The following TENM3 variants were observed in gnomAD, a reference collection of about 807,000 sequenced individuals.
The protein encoded by TENM3 is teneurin transmembrane protein 3.
TENM3 carries 63 observed loss-of-function variants against 255.1 expected under a neutral mutation model. The ratio of observed to expected loss-of-function variants is 0.25; its 90% CI spans 0.20 to 0.30. The LOEUF (loss-of-function observed/expected upper bound fraction) is 0.30. TENM3 is among the 10% of genes least tolerant of loss of function. The pLI is 1.00. For missense variants in TENM3, 2,929 were observed against 3,461.1 expected, an observed-to-expected ratio of 0.85 and a Z score of 3.86; for synonymous variants, 1,306 against 1,322.3, an observed-to-expected ratio of 0.99 and a Z score of 0.27.
At chr4:182,054,968 C>A in the TENM3 span, among the ~76,000 whole-genome samples, 3 of 152,080 alleles carry the variant, frequency 2.0e-5, no homozygotes, top group Non-Finnish European at 4.4e-5. Context: ...AGTTTATCTG[C>A]GAGCCTATTC....
chr4:182,579,624 T>G (rs538303258), intron 3 of TENM3, among the ~76,000 whole-genome samples: 2 of 152,184 alleles, frequency 1.3e-5, no homozygotes, highest in Non-Finnish European at 2.9e-5. Flanking sequence ...TGTTTTCCTT[T>G]AAGATTTTTT....
At chr4:181,773,673 A>G in the TENM3 span, among the ~76,000 whole-genome samples, 1 of 152,152 alleles carries the variant, frequency 6.6e-6, no homozygotes, top group Non-Finnish European at 1.5e-5. Context: ...ATGCTTCTAC[A>G]CATCAGTAGG....
chr4:181,955,250 T>C, the TENM3 span, among the ~76,000 whole-genome samples: 17 of 152,310 alleles, frequency 1.1e-4, no homozygotes, highest in African/African-American at 4.1e-4. Flanking sequence ...CCACTGGATA[T>C]CCCATTATGG....
intron 3 of TENM3, among the ~76,000 whole-genome samples, chr4:182,580,129 G>C (rs1429718177): frequency 6.6e-6 from 1 of 151,728 alleles, no homozygotes; most frequent in Non-Finnish European, 1.5e-5. Flanking sequence ...AAGAGATTGA[G>C]ATTCACTTTG....
the TENM3 span, among the ~76,000 whole-genome samples, chr4:181,448,213 C>T: frequency 8.3e-6 from 1 of 119,770 alleles, no homozygotes; most frequent in East Asian, 2.6e-4. Flanking sequence ...GTCGCCCAGG[C>T]TGGAGTGCAG....
the TENM3 span, among the ~76,000 whole-genome samples, chr4:182,113,533 A>C: frequency 6.6e-6 from 1 of 152,208 alleles, no homozygotes; most frequent in Non-Finnish European, 1.5e-5. Flanking sequence ...ATACCAATGC[A>C]TATATGAAAT....
At chr4:182,255,901 C>T (rs368505810) in intron 1 of TENM3, among the ~76,000 whole-genome samples, 1 of 152,204 alleles carries the variant, frequency 6.6e-6, no homozygotes, top group Non-Finnish European at 1.5e-5. Flanking sequence ...TACACCACGT[C>T]TTAACTCTCA....
intron 1 of TENM3, among the ~76,000 whole-genome samples, chr4:182,278,115 C>T (rs925137490): frequency 2.0e-5 from 3 of 152,140 alleles, no homozygotes; most frequent in Non-Finnish European, 2.9e-5. Context: ...GCCTGTAATC[C>T]CAGCACTTTG....
chr4:182,389,830 C>G (rs1312406330), intron 3 of TENM3, among the ~76,000 whole-genome samples: 1 of 151,964 alleles, frequency 6.6e-6, no homozygotes, highest in Non-Finnish European at 1.5e-5. Context: ...GGACTACAGG[C>G]GCCCGCCACC....
intron 12 of TENM3, among the ~76,000 whole-genome samples, chr4:182,690,833 A>G (rs1028092136): frequency 1.3e-5 from 2 of 152,198 alleles, no homozygotes; most frequent in African/African-American, 4.8e-5. Context: ...GGGTCTTTGT[A>G]TTATAATTTA....
chr4:181,880,303 A>G, the TENM3 span, among the ~76,000 whole-genome samples: 1 of 152,178 alleles, frequency 6.6e-6, no homozygotes, highest in East Asian at 1.9e-4. Flanking sequence ...TGTTAGATTA[A>G]TTGATAGGAA....
intron 3 of TENM3, among the ~76,000 whole-genome samples, chr4:182,512,332 CAG>C (rs1178215243): frequency 2.0e-5 from 3 of 152,248 alleles, no homozygotes; most frequent in Admixed American, 1.3e-4. Flanking sequence ...TAGAAGATGA[CAG>C]AGTCACCAGA....
At chr4:181,828,975 C>A in the TENM3 span, among the ~76,000 whole-genome samples, 1 of 152,174 alleles carries the variant, frequency 6.6e-6, no homozygotes, top group East Asian at 1.9e-4. Context: ...CACTTGCTAC[C>A]CTGTGTGCAT....
the TENM3 span, among the ~76,000 whole-genome samples, chr4:181,887,183 C>T: frequency 1.3e-5 from 2 of 151,672 alleles, no homozygotes; most frequent in Non-Finnish European, 2.9e-5. Flanking sequence ...TTCTGAGCCC[C>T]AGATTCTAAG....
At chr4:182,628,557 G>A in intron 4 of TENM3, 94 bp from the exon 5 acceptor site, 2 of 761,388 alleles carry the variant, frequency 2.6e-6, no homozygotes, top group South Asian at 1.8e-5. Flanking sequence ...GAGAGAGAGA[G>A]CAAAAGAGAC....
the TENM3 span, among the ~76,000 whole-genome samples, chr4:182,089,957 T>G: frequency 6.6e-6 from 1 of 152,206 alleles, no homozygotes; most frequent in Non-Finnish European, 1.5e-5. Context: ...TGCTATCATA[T>G]TCACAAAGCC....
rs571370746 is a variant in TENM3, at chr4:182,653,861, C to A, written c.1079C>A (p.Thr360Lys). 1.3e-5 allele frequency: 21 copies of A among 1,612,958 alleles called. No homozygotes were observed. The highest frequency in any genetic ancestry group is 1.7e-6 in the Non-Finnish European group (2 of 1,179,438). The change falls in exon 6 of 28, where the codon ACA becomes AAA. Residue 360 changes from threonine to lysine, a missense_variant. Physicochemically the swap from Thr to Lys is moderately conservative, Grantham distance 78. Coordinates refer to ENST00000511685, the MANE Select transcript of TENM3 (RefSeq NM_001080477.4). ...AAAGTGAATTCTGATACCATGCCAA[C>A]AAACACTGTGTCATTACCTTCTGGA... The part of the protein sequence containing the change: ...NGKVNSDTMP[T>K]NTVSLPSGDN...
At chr4:182,558,187 G>A (rs371309053) in intron 3 of TENM3, among the ~76,000 whole-genome samples, 7 of 152,184 alleles carry the variant, frequency 4.6e-5, no homozygotes, top group African/African-American at 9.7e-5. Context: ...CTGCCAGTGC[G>A]TGCCTGTAGC....
chr4:181,930,660 C>A, the TENM3 span, among the ~76,000 whole-genome samples: 2 of 152,146 alleles, frequency 1.3e-5, no homozygotes, highest in South Asian at 4.1e-4. Context: ...CTCCCTAACT[C>A]ATTTTAGAGG....
Sources: allele counts gnomAD v4.1 joint callset (sites outside exome capture counted in the v4.1 genomes callset), GRCh38; gene constraint gnomAD v4.1.1; transcripts MANE v1.5; gene names NCBI Gene and HGNC (gene_info 2026-07-23, HGNC 2026-07-21).